USO1: variants seen among roughly 807,000 people sequenced by gnomAD.
USO1 encodes the protein general vesicular transport factor p115.
USO1 carries 57 observed loss-of-function variants against 124.5 expected under a neutral mutation model. The observed-to-expected ratio is 0.46, with a 90% confidence interval of 0.37 to 0.57. The LOEUF (loss-of-function observed/expected upper bound fraction) is 0.57, where lower values mean the gene tolerates loss of function less well. Ranked by LOEUF, USO1 falls within the 20% of genes least tolerant of loss-of-function variation. The pLI is 0.00. For synonymous variants in USO1, 369 were observed against 362.8 expected (o/e 1.02, Z -0.19); for missense variants, 900 against 1,040.6 (o/e 0.86, Z 1.86).
Position 75,800,523 on chromosome 4 carries a change from T to TTTC in USO1, c.1682+56_1682+57insCTT, listed in dbSNP as rs1209186160. On this transcript the variant is annotated intron_variant, in intron 15 of 23. Transcript: ENST00000514213. ...GGCATCAAGAGATAATGATGCTTTT[T>TTTC]TTTTTTTTTTGCCAAAGCATTATGT... 4.6e-6 allele frequency: 7 copies of TTTC among 1,506,024 alleles called. No individual in the cohort carries two copies. In the East Asian group the frequency reaches 1.7e-4, roughly 36 times the overall value. 93.3% of individuals were successfully genotyped at this position (1,506,024 alleles called of 1,614,324 possible).
chr4:75,785,841 A>G (rs1358320768), intron 9 of USO1, among the ~76,000 whole-genome samples: 1 of 152,140 alleles, frequency 6.6e-6, no homozygotes, highest in African/African-American at 2.4e-5. Context: ...TTTGTTTTAA[A>G]TACTCAAAAA....
rs779773732 is a variant in USO1 at position 75,771,117 on chromosome 4, A to G, written c.535A>G (p.Arg179Gly). 1 of 1,611,578 alleles carries G rather than the reference A, an allele frequency of 6.2e-7. No homozygotes were observed. Among genetic ancestry groups the G allele is most frequent in the Non-Finnish European group, 8.5e-7 (1 of 1,179,122 alleles). Residue 179 changes from arginine (R) to glycine (G), a missense_variant, in exon 7 of 24, where the codon AGG becomes GGG. Physicochemically the swap from Arg to Gly is moderately radical, Grantham distance 125. This residue lies in a region of USO1 where 538 missense variants were observed against 681.6 expected (regional missense o/e 0.79). Coordinates refer to ENST00000514213, the MANE Select transcript of USO1 (RefSeq NM_003715.4). ...SRLMDLLADSREVIRNDGVLL... is the reference protein window; with the variant it reads ...SRLMDLLADSGEVIRNDGVLL... Reference sequence around the variant, plus strand: ...ATTGATGGACTTACTAGCGGATTCCAGGGAAGTTATACGTAATGATGTAAG... The same window carrying G: ...ATTGATGGACTTACTAGCGGATTCCGGGGAAGTTATACGTAATGATGTAAG...
At chr4:75,725,309 C>A (rs1720390381) in intron 1 of USO1, among the ~76,000 whole-genome samples, 1 of 152,202 alleles carries the variant, frequency 6.6e-6, no homozygotes, top group Non-Finnish European at 1.5e-5. Flanking sequence ...CCCTCGCAGT[C>A]TGAAACTGGG....
intron 8 of USO1, among the ~76,000 whole-genome samples, chr4:75,779,820 T>C (rs1254066634): frequency 6.6e-6 from 1 of 152,238 alleles, no homozygotes; most frequent in Non-Finnish European, 1.5e-5. Context: ...TGATGAATTA[T>C]GCTAAATGTT....
At chr4:75,802,437 A>G (rs574756039) in intron 17 of USO1, among the ~76,000 whole-genome samples, 9 of 152,308 alleles carry the variant, frequency 5.9e-5, no homozygotes, top group African/African-American at 2.2e-4. Context: ...GATTGACACA[A>G]TTACTCTAAT....
Position 75,809,896 on chromosome 4 carries a change from G to A in USO1, c.2476-536G>A, listed in dbSNP as rs527345250. Among the ~76,000 whole-genome samples the A allele has an allele frequency of 4.6e-5, 7 of 152,214 alleles. No individual in the cohort carries two copies. The East Asian group carries it at 1.4e-3, about 29-fold the overall frequency. On this transcript the variant is annotated intron_variant, in intron 21 of 23. Transcript: ENST00000514213. ...CCTCTACTCATTACACAGTTCCAAA[G>A]CTACTTCCACATTTTTAGATATTTG... is the stretch of plus-strand genomic sequence containing the variant.
At chr4:75,803,717 GA>G (rs1722917988) in intron 17 of USO1, among the ~76,000 whole-genome samples, 1 of 151,300 alleles carries the variant, frequency 6.6e-6, no homozygotes, top group African/African-American at 2.4e-5. Flanking sequence ...GTAAAAGTTG[GA>G]AGCTCTTTTT....
chr4:75,732,355 C>T (rs778763341), intron 1 of USO1, among the ~76,000 whole-genome samples: 8 of 152,094 alleles, frequency 5.3e-5, no homozygotes, highest in Non-Finnish European at 8.8e-5. Flanking sequence ...TTTTTCATGT[C>T]GACATAGTAT....
rs1429086646 is a variant in USO1, at chr4:75,814,160, A to C, written c.*865A>C. The C allele has an allele frequency of 2.0e-5, 3 of 152,218 alleles. No individual in the cohort carries two copies. The highest frequency in any genetic ancestry group is 2.0e-4 in the Admixed American group (3 of 15,272). The allele number at this position is 152,218 out of a possible 1,614,324, so 9.4% of individuals were successfully genotyped here. On this transcript the variant is annotated 3_prime_UTR_variant, in exon 24 of 24. Transcript: ENST00000514213. ...ATAATAGATTTTAAAAAAGCAAATG[A>C]GGCAATGTGTCAAAATTTAATGTTT... is the stretch of plus-strand genomic sequence containing the variant.
At chr4:75,730,644 C>T (rs1036804061) in intron 1 of USO1, among the ~76,000 whole-genome samples, 8 of 152,022 alleles carry the variant, frequency 5.3e-5, no homozygotes, top group Non-Finnish European at 1.2e-4. Flanking sequence ...ATACCAAATA[C>T]TGTTCCTCTT....
intron 20 of USO1, among the ~76,000 whole-genome samples, chr4:75,807,054 T>A (rs1723018512): frequency 6.6e-6 from 1 of 152,146 alleles, no homozygotes. Flanking sequence ...ACTTTTTCTG[T>A]GGTAATTTAT....
In USO1 at chr4:75,734,703, C is replaced by T. The variant is rs75451769; in HGVS notation, c.66+9818C>T. 8.9e-3 allele frequency among the ~76,000 whole-genome samples: 827 copies of T among 93,312 alleles called. 26 individuals are homozygous for T. The highest frequency in any genetic ancestry group is 0.077 in the East Asian group (210 of 2,720). 61.2% of individuals were successfully genotyped at this position (93,312 alleles called of 152,430 possible). A position where few individuals can be genotyped will look rare whatever the true frequency, so the allele number is the denominator to read the frequency against. Reference sequence around the variant, plus strand: ...GGAATAGCGTTGAATCTGTAGATTGCTTTGGGCAGTATGGCTTTTTTTTTT... The same window carrying T: ...GGAATAGCGTTGAATCTGTAGATTGTTTTGGGCAGTATGGCTTTTTTTTTT... On this transcript the variant is annotated intron_variant, in intron 1 of 23. Coordinates refer to ENST00000514213, the MANE Select transcript of USO1 (RefSeq NM_003715.4).
intron 3 of USO1, among the ~76,000 whole-genome samples, chr4:75,753,988 C>T (rs771196144): frequency 4.6e-5 from 7 of 151,220 alleles, no homozygotes; most frequent in African/African-American, 1.7e-4. Context: ...GGGGTTTTAC[C>T]ATGTTAGCCA....
intron 1 of USO1, among the ~76,000 whole-genome samples, chr4:75,747,393 C>T (rs1226466104): frequency 6.6e-6 from 1 of 152,158 alleles, no homozygotes; most frequent in Non-Finnish European, 1.5e-5. Context: ...CCTCCTACCT[C>T]AGCCTCTGGA....
chr4:75,726,985 A>G (rs527691464), intron 1 of USO1, among the ~76,000 whole-genome samples: 21 of 152,346 alleles, frequency 1.4e-4, no homozygotes, highest in Admixed American at 5.9e-4. Context: ...TTTAGGATGT[A>G]ATGAAGATTA....
At position 75,774,760 on chromosome 4, in the gene USO1, C is replaced by T. The variant is rs766161115; in HGVS notation, c.640C>T (p.Leu214=). 1.2e-6 allele frequency: 2 copies of T among 1,613,558 alleles called. No homozygotes were observed. Among genetic ancestry groups the T allele is most frequent in the East Asian group, 2.2e-5 (1 of 44,846 alleles). The part of the protein sequence containing the change: ...VAFENAFERL[L]DIISEEGNSD... ...TTTTGAAAATGCTTTCGAGAGACTA[C>T]TGGACATTATTTCAGAGGAGGGGAA... Residue 214 remains leucine (L), a synonymous_variant, in exon 8 of 24, where the codon CTG becomes TTG. Transcript: ENST00000514213.
intron 8 of USO1, among the ~76,000 whole-genome samples, chr4:75,780,551 G>A (rs562040265): frequency 4.0e-5 from 6 of 150,398 alleles, no homozygotes; most frequent in East Asian, 3.9e-4. Context: ...GATTACAGAC[G>A]TGAGCCACTG....
chr4:75,728,349 C>T (rs569659576), intron 1 of USO1, among the ~76,000 whole-genome samples: 1 of 152,168 alleles, frequency 6.6e-6, no homozygotes, highest in African/African-American at 2.4e-5. Context: ...GTTCTTCAGG[C>T]CGGGGGCTCA....
At chr4:75,778,469 G>A (rs12505149) in intron 8 of USO1, among the ~76,000 whole-genome samples, 83,417 of 152,052 alleles carry the variant, frequency 0.55, 24,168 homozygotes, top group East Asian at 0.81. Context: ...AGGGATGGCA[G>A]AGAGGAAGAA....
Sources: gnomAD v4.1 joint callset for allele counts (sites outside exome capture counted in the v4.1 genomes callset) on GRCh38, gnomAD v4.1.1 for gene constraint, gnomAD v4.1.1 regional missense constraint, MANE v1.5 for transcripts, NCBI Gene and HGNC (gene_info 2026-07-23, HGNC 2026-07-21) for gene names.